PTPN3: variants seen among roughly 807,000 people sequenced by gnomAD.
The protein encoded by PTPN3 is tyrosine-protein phosphatase non-receptor type 3.
PTPN3 carries 96 observed loss-of-function variants against 132.7 expected under a neutral mutation model. That is an observed-to-expected ratio of 0.72 (90% CI 0.61 to 0.86). The LOEUF is 0.86. PTPN3 is among the 40% of genes least tolerant of loss of function. The pLI is 0.00. For missense variants in PTPN3, 1,125 were observed against 1,159.6 expected (o/e 0.97, Z 0.43); for synonymous variants, 398 against 429.0 (o/e 0.93, Z 0.89).
At chr9:109,536,373 G>A in the PTPN3 span, among the ~76,000 whole-genome samples, 1 of 152,228 alleles carries the variant, frequency 6.6e-6, no homozygotes, top group East Asian at 1.9e-4. Context: ...TACAAATGGA[G>A]TTGCTGGGTC....
rs114425322 is a variant in PTPN3 at position 109,445,863 on chromosome 9, C to T, written c.414-571G>A. ...CTTAGGATTCCTTTATCTATTTGCC[C>T]TCCTGAAGATCTACAGAGTTCAGTG... On this transcript the variant is annotated intron_variant, in intron 6 of 25. Transcript: ENST00000374541. 4.8e-3 allele frequency among the ~76,000 whole-genome samples: 726 copies of T among 152,282 alleles called. 6 individuals carry two copies. The highest frequency in any genetic ancestry group is 0.017 in the African/African-American group (698 of 41,552).
At position 109,420,444 on chromosome 9, in the gene PTPN3, C is replaced by A; in HGVS notation, c.1293G>T (p.Gln431His). The change falls in exon 14 of 26, where the codon CAG (glutamine) becomes CAT (histidine). Residue 431 changes from glutamine (Q) to histidine (H), a missense_variant. By Grantham distance (24) the Gln-to-His change is conservative. Coordinates refer to ENST00000374541, the MANE Select transcript of PTPN3 (RefSeq NM_002829.4). Reference sequence around the variant, plus strand: ...CTTACTCTTGGTGCGGGCTTCGGTTCTGAGAAACTTCAGAATCGCTGTCTT... The same window carrying A: ...CTTACTCTTGGTGCGGGCTTCGGTTATGAGAAACTTCAGAATCGCTGTCTT... ...APQDSDSEVS[Q>H]NRSPHQESLS... 1 of 1,603,294 alleles carries A rather than the reference C, an allele frequency of 6.2e-7. No individual in the cohort carries two copies. The highest frequency in any genetic ancestry group is 8.5e-7 in the Non-Finnish European group (1 of 1,172,136).
the PTPN3 span, among the ~76,000 whole-genome samples, chr9:109,528,145 G>A: frequency 6.6e-6 from 1 of 152,082 alleles, no homozygotes; most frequent in Admixed American, 6.6e-5. Flanking sequence ...ATACTTTAAT[G>A]GTGGATACAG....
At chr9:109,436,050 G>A (rs1326595681) in intron 9 of PTPN3, among the ~76,000 whole-genome samples, 6 of 152,172 alleles carry the variant, frequency 3.9e-5, no homozygotes, top group African/African-American at 1.2e-4. Context: ...CTAGAATGTC[G>A]ATTTCACAAG....
intron 14 of PTPN3, among the ~76,000 whole-genome samples, chr9:109,413,924 C>T (rs75125979): frequency 0.017 from 2,558 of 152,254 alleles, 64 homozygotes; most frequent in African/African-American, 0.059. Flanking sequence ...AAGACCTCCC[C>T]GCCCCGCCGC....
chr9:109,440,660 T>C (rs1844394652), intron 7 of PTPN3, among the ~76,000 whole-genome samples: 1 of 152,206 alleles, frequency 6.6e-6, no homozygotes, highest in African/African-American at 2.4e-5. Context: ...CTATGAACCT[T>C]TACTCTGTTG....
the PTPN3 span, among the ~76,000 whole-genome samples, chr9:109,509,899 G>A: frequency 6.6e-5 from 10 of 152,164 alleles, no homozygotes; most frequent in East Asian, 1.9e-4. Flanking sequence ...AGAGGTGACC[G>A]TGGGAACATG....
chr9:109,437,445 G>A (rs1184177003), intron 8 of PTPN3, among the ~76,000 whole-genome samples: 1 of 152,210 alleles, frequency 6.6e-6, no homozygotes, highest in Non-Finnish European at 1.5e-5. Context: ...ACACTTGGTT[G>A]CCTGGCCTTT....
At chr9:109,507,166 G>A in the PTPN3 span, among the ~76,000 whole-genome samples, 7 of 152,148 alleles carry the variant, frequency 4.6e-5, no homozygotes, top group Non-Finnish European at 8.8e-5. Context: ...ATGTGGCTGA[G>A]GGATGGAACA....
At chr9:109,500,475 GA>G (rs1424330405), upstream of PTPN3, among the ~76,000 whole-genome samples, 1 of 152,018 alleles carries the variant, frequency 6.6e-6, no homozygotes, top group African/African-American at 2.4e-5. Context: ...CAAAATGAAA[GA>G]ATACTCCCCA....
chr9:109,406,739 G>A (rs529779837), intron 17 of PTPN3, 121 bp from the exon 18 acceptor site: 279 of 1,214,326 alleles, frequency 2.3e-4, no homozygotes, highest in Middle Eastern at 1.0e-3. Flanking sequence ...TCTCTCCCTC[G>A]GGTAGTACTG....
At chr9:109,393,135 G>A (rs553005284) in intron 19 of PTPN3, among the ~76,000 whole-genome samples, 1 of 152,162 alleles carries the variant, frequency 6.6e-6, no homozygotes, top group East Asian at 1.9e-4. Context: ...AGCATCTAAT[G>A]GAGTATTCTG....
At chr9:109,502,647 T>TTAGCTGGA (rs1847876006), upstream of PTPN3, among the ~76,000 whole-genome samples, 1 of 151,876 alleles carries the variant, frequency 6.6e-6, no homozygotes. Flanking sequence ...AAGAAAAAAA[T>TTAGCTGGA]TAGCTGGATG....
intron 22 of PTPN3, among the ~76,000 whole-genome samples, chr9:109,385,549 C>A (rs1007759884): frequency 5.3e-5 from 8 of 152,136 alleles, no homozygotes; most frequent in African/African-American, 9.7e-5. Flanking sequence ...CAGTGTGTGT[C>A]AGATCACAGA....
the PTPN3 span, among the ~76,000 whole-genome samples, chr9:109,518,054 C>T: frequency 6.6e-6 from 1 of 152,214 alleles, no homozygotes; most frequent in African/African-American, 2.4e-5. Flanking sequence ...GTGGTTACGG[C>T]TTCCTGCAGT....
chr9:109,445,043 C>T (rs1844754967), intron 7 of PTPN3, among the ~76,000 whole-genome samples, 197 bp downstream of exon 7: 1 of 152,224 alleles, frequency 6.6e-6, no homozygotes, highest in African/African-American at 2.4e-5. Context: ...CCTTAACCAC[C>T]TTCCTTAATC....
rs748885663 is a variant in PTPN3 at position 109,391,384 on chromosome 9, C to A, written c.2044+87G>T. 1.5e-5 allele frequency: 21 copies of A among 1,420,882 alleles called. No homozygotes were observed. In the Admixed American group the frequency reaches 3.6e-4, roughly 24 times the overall value. The allele number at this position is 1,420,882 out of a possible 1,614,324, so 88.0% of individuals were successfully genotyped here. On this transcript the variant is annotated intron_variant, in intron 20 of 25. Coordinates refer to ENST00000374541, the MANE Select transcript of PTPN3 (RefSeq NM_002829.4). Reference sequence around the variant, plus strand: ...TGGTGTTTACAGACACACTGAAAATCGTTCCAGAATACCAGACAATCTGTT... The same window carrying A: ...TGGTGTTTACAGACACACTGAAAATAGTTCCAGAATACCAGACAATCTGTT...
chr9:109,512,481 T>C, the PTPN3 span, among the ~76,000 whole-genome samples: 2 of 152,254 alleles, frequency 1.3e-5, no homozygotes, highest in African/African-American at 4.8e-5. Context: ...AAGACAGCTT[T>C]CATTTTTACG....
chr9:109,501,660 ATCT>A (rs1847866016), upstream of PTPN3, among the ~76,000 whole-genome samples: 1 of 152,210 alleles, frequency 6.6e-6, no homozygotes, highest in Non-Finnish European at 1.5e-5. Context: ...TGGGCACATA[ATCT>A]TCTTAGGCTA....
Sources: gnomAD v4.1 joint callset for allele counts (sites outside exome capture counted in the v4.1 genomes callset) on GRCh38, gnomAD v4.1.1 for gene constraint, MANE v1.5 for transcripts, NCBI Gene and HGNC (gene_info 2026-07-23, HGNC 2026-07-21) for gene names.